KCNH8: variants seen among roughly 807,000 people sequenced by gnomAD.
KCNH8 encodes the protein voltage-gated delayed rectifier potassium channel KCNH8.
Under a neutral mutation model 103.6 loss-of-function variants are expected in KCNH8, and 70 were observed. The ratio of observed to expected loss-of-function variants is 0.68; its 90% CI spans 0.56 to 0.82. The LOEUF (loss-of-function observed/expected upper bound fraction) is 0.82. Among genes scored for constraint, KCNH8 ranks in the 40% least tolerant of loss-of-function variants. KCNH8 has a pLI of 0.00. For missense variants in KCNH8, 1,217 were observed against 1,329.9 expected (o/e 0.92, Z 1.32); for synonymous variants, 498 against 489.4 (o/e 1.02, Z -0.23).
chr3:19,449,725 CTA>C (rs1343761440), intron 8 of KCNH8, among the ~76,000 whole-genome samples: 3 of 151,904 alleles, frequency 2.0e-5, no homozygotes, highest in African/African-American at 7.3e-5. Flanking sequence ...ACAATGAAGA[CTA>C]TTTTATTGTA....
chr3:19,367,360 A>G (rs2066025986), intron 5 of KCNH8, among the ~76,000 whole-genome samples: 1 of 148,164 alleles, frequency 6.7e-6, no homozygotes, highest in Non-Finnish European at 1.5e-5. Context: ...TTAACCCCGT[A>G]TTATAATTGT....
intron 2 of KCNH8, among the ~76,000 whole-genome samples, chr3:19,274,778 A>T (rs2064639280): frequency 6.7e-6 from 1 of 149,140 alleles, no homozygotes; most frequent in Non-Finnish European, 1.5e-5. Flanking sequence ...AAGAGGATTA[A>T]AAACTTGACA....
intron 8 of KCNH8, among the ~76,000 whole-genome samples, chr3:19,445,708 G>C (rs1456841152): frequency 1.3e-5 from 2 of 151,934 alleles, no homozygotes; most frequent in Admixed American, 1.3e-4. Context: ...ATTTTAAAAG[G>C]TTGACTTTAG....
At chr3:19,373,448 G>A (rs993126075) in intron 5 of KCNH8, among the ~76,000 whole-genome samples, 10 of 151,972 alleles carry the variant, frequency 6.6e-5, no homozygotes, top group African/African-American at 1.4e-4. Context: ...TTGTGGGATC[G>A]GTGGTTATGT....
At chr3:19,379,521 T>C (rs1379749152) in intron 5 of KCNH8, among the ~76,000 whole-genome samples, 1 of 151,904 alleles carries the variant, frequency 6.6e-6, no homozygotes, top group African/African-American at 2.4e-5. Context: ...GCACCTATAG[T>C]CCCAGCTGCT....
intron 7 of KCNH8, among the ~76,000 whole-genome samples, chr3:19,402,969 G>T (rs1353500283): frequency 1.3e-5 from 2 of 151,780 alleles, no homozygotes; most frequent in Non-Finnish European, 2.9e-5. Context: ...CAAAAGTCAG[G>T]ATTCTATTTC....
chr3:19,189,949 A>T (rs1575424517), intron 1 of KCNH8, among the ~76,000 whole-genome samples: 1 of 152,112 alleles, frequency 6.6e-6, no homozygotes, highest in Admixed American at 6.6e-5. Flanking sequence ...ATTCATTAAC[A>T]TACTTCTTAT....
At chr3:19,186,670 T>G (rs995979253) in intron 1 of KCNH8, among the ~76,000 whole-genome samples, 14 of 152,074 alleles carry the variant, frequency 9.2e-5, no homozygotes, top group African/African-American at 3.4e-4. Context: ...AAGATTTTGT[T>G]TAATTCATTA....
At chr3:19,338,624 A>G (rs141264228) in intron 3 of KCNH8, among the ~76,000 whole-genome samples, 6 of 152,154 alleles carry the variant, frequency 3.9e-5, no homozygotes, top group Admixed American at 3.9e-4. Flanking sequence ...TGGATATTGT[A>G]TTTTCTAGCC....
At chr3:19,281,359 G>A (rs1195122408) in intron 3 of KCNH8, 30 bp downstream of exon 3, 12 of 1,559,828 alleles carry the variant, frequency 7.7e-6, no homozygotes, top group Non-Finnish European at 1.0e-5. Flanking sequence ...AACATTGACA[G>A]ATGGAGTAAC....
At chr3:19,177,802 G>A (rs182619704) in intron 1 of KCNH8, among the ~76,000 whole-genome samples, 4 of 152,092 alleles carry the variant, frequency 2.6e-5, no homozygotes. Context: ...AACCTCTTCT[G>A]TTTATAGACA....
intron 2 of KCNH8, among the ~76,000 whole-genome samples, chr3:19,276,190 T>C (rs2064668438): frequency 6.6e-6 from 1 of 151,370 alleles, no homozygotes; most frequent in African/African-American, 2.4e-5. Context: ...TGTGTGTGTG[T>C]GTGTGTGTGT....
At chr3:19,481,884 T>C (rs2068093110) in intron 11 of KCNH8, among the ~76,000 whole-genome samples, 1 of 152,156 alleles carries the variant, frequency 6.6e-6, no homozygotes, top group Non-Finnish European at 1.5e-5. Flanking sequence ...TGACAGACAT[T>C]CTGTTCTTAA....
chr3:19,160,960 A>C (rs893325408), intron 1 of KCNH8, among the ~76,000 whole-genome samples: 1 of 152,126 alleles, frequency 6.6e-6, no homozygotes, highest in African/African-American at 2.4e-5. Flanking sequence ...AGAAGTCAGA[A>C]AGTGCTTCCT....
chr3:19,453,285 T>TGATGG (rs2067477831), intron 10 of KCNH8, among the ~76,000 whole-genome samples: 3 of 152,066 alleles, frequency 2.0e-5, no homozygotes, highest in Admixed American at 2.0e-4. Flanking sequence ...ACACTGAAAG[T>TGATGG]CCAGACTTCA....
chr3:19,332,766 G>A (rs570787074), intron 3 of KCNH8, among the ~76,000 whole-genome samples: 4 of 152,014 alleles, frequency 2.6e-5, no homozygotes, highest in Non-Finnish European at 5.9e-5. Flanking sequence ...CTGAGTAGCT[G>A]GGATTACAGG....
chr3:19,229,265 A>T lies in KCNH8; in HGVS notation c.77-24389A>T, dbSNP rs544230460. On this transcript the variant is annotated intron_variant, in intron 1 of 15. Coordinates refer to ENST00000328405, the MANE Select transcript of KCNH8 (RefSeq NM_144633.3). ...TCACAGCTCCACTAGGTGGTGCCCC[A>T]GTAGGGACTCTGTGGGGTGCTCCAA... 2.9e-3 allele frequency among the ~76,000 whole-genome samples: 441 copies of T among 152,342 alleles called. 4 individuals are homozygous for T. The highest frequency in any genetic ancestry group is 0.01 in the African/African-American group (417 of 41,578).
chr3:19,241,921 A>G (rs1400696030), intron 1 of KCNH8, among the ~76,000 whole-genome samples: 1 of 151,942 alleles, frequency 6.6e-6, no homozygotes, highest in African/African-American at 2.4e-5. Flanking sequence ...ATGATAGAGA[A>G]TAGTTGAGAG....
intron 15 of KCNH8, among the ~76,000 whole-genome samples, chr3:19,527,942 CTTT>C (rs1177407274): frequency 6.6e-6 from 1 of 151,820 alleles, no homozygotes; most frequent in Admixed American, 6.6e-5. Context: ...TTCATCACTT[CTTT>C]TTTTTAACAG....
Sources: gnomAD v4.1 joint callset for allele counts (sites outside exome capture counted in the v4.1 genomes callset) on GRCh38, gnomAD v4.1.1 for gene constraint, MANE v1.5 for transcripts, NCBI Gene and HGNC (gene_info 2026-07-23, HGNC 2026-07-21) for gene names.